KATNBL1: variants seen among roughly 807,000 people sequenced by gnomAD.
The protein encoded by KATNBL1 is katanin regulatory subunit B1 like 1.
A neutral mutation model predicts 44.7 loss-of-function variants in KATNBL1; 28 were observed. The ratio of observed to expected loss-of-function variants is 0.63; its 90% CI spans 0.46 to 0.86. The LOEUF (loss-of-function observed/expected upper bound fraction) is 0.86, where lower values mean the gene tolerates loss of function less well. Among genes scored for constraint, KATNBL1 ranks in the 40% least tolerant of loss-of-function variants. KATNBL1 has a pLI of 0.00. For missense variants in KATNBL1, 272 were observed against 350.7 expected (o/e 0.78, Z 1.79); for synonymous variants, 78 against 114.9 (o/e 0.68, Z 2.06).
At position 34,148,620 on chromosome 15, in the gene KATNBL1, G is replaced by A; in HGVS notation, c.557+12C>T. The A allele has an allele frequency of 1.4e-6, 2 of 1,390,696 alleles. No homozygotes were observed. The highest frequency in any genetic ancestry group is 1.4e-5 in the African/African-American group (1 of 70,432). The allele number at this position is 1,390,696 out of a possible 1,614,324, so 86.1% of individuals were successfully genotyped here. A position where few individuals can be genotyped will look rare whatever the true frequency, so the allele number is the denominator to read the frequency against. ...AAGTGATTGAACAAAGAGGATAAAA[G>A]GTCACACTTACCTCAACAAATAAGC... is the stretch of plus-strand genomic sequence containing the variant. On this transcript the variant is annotated intron_variant, in intron 5 of 9. Coordinates refer to ENST00000256544, the MANE Select transcript of KATNBL1 (RefSeq NM_024713.3).
At chr15:34,184,439 TTGCGCCACTGCAC>T (rs1466028074) in intron 1 of KATNBL1, among the ~76,000 whole-genome samples, 1 of 150,692 alleles carries the variant, frequency 6.6e-6, no homozygotes, top group Non-Finnish European at 1.5e-5. Flanking sequence ...TGAACCGAGA[TTGCGCCACTGCAC>T]TTCAGCCTGG....
At chr15:34,176,057 T>C (rs1385631471) in intron 1 of KATNBL1, among the ~76,000 whole-genome samples, 1 of 152,126 alleles carries the variant, frequency 6.6e-6, no homozygotes, top group East Asian at 1.9e-4. Flanking sequence ...GGTGTATCTG[T>C]ATGGAATTTT....
At chr15:34,142,639 C>T in intron 9 of KATNBL1, 1 of 359,478 alleles carries the variant, frequency 2.8e-6, no homozygotes, top group Non-Finnish European at 5.1e-6. Flanking sequence ...CTAACATTCA[C>T]AGAAATTCTA....
At chr15:34,155,838 C>G (rs1230109098) in intron 2 of KATNBL1, among the ~76,000 whole-genome samples, 1 of 152,156 alleles carries the variant, frequency 6.6e-6, no homozygotes, top group Non-Finnish European at 1.5e-5. Flanking sequence ...TTGTCACCCA[C>G]CAAAATATTG....
chr15:34,180,654 C>A (rs1405357758), intron 1 of KATNBL1, among the ~76,000 whole-genome samples: 2 of 152,206 alleles, frequency 1.3e-5, no homozygotes, highest in African/African-American at 4.8e-5. Flanking sequence ...AACCAACTTG[C>A]TGCCCTTCCT....
At chr15:34,159,125 T>G (rs1888722083) in intron 2 of KATNBL1, among the ~76,000 whole-genome samples, 2 of 144,812 alleles carry the variant, frequency 1.4e-5, no homozygotes, top group Admixed American at 1.5e-4. Flanking sequence ...GTACTGACAA[T>G]GAAGTTCCTT....
rs1889552525 is a variant in KATNBL1 at position 34,181,727 on chromosome 15, C to CATATGTATGTCCAT, written c.-14-18038_-14-18037insATGGACATACATAT. 1.1e-4 allele frequency among the ~76,000 whole-genome samples: 9 copies of CATATGTATGTCCAT among 81,416 alleles called. 1 individual carries two copies. The highest frequency in any genetic ancestry group is 1.8e-4 in the Non-Finnish European group (7 of 38,074). 53.4% of individuals were successfully genotyped at this position (81,416 alleles called of 152,430 possible). A position where few individuals can be genotyped will look rare whatever the true frequency, so the allele number is the denominator to read the frequency against. ...CCATATATATGGACATATATATGTC[C>CATATGTATGTCCAT]ATATATACACATATATATGTCCATA... is the stretch of plus-strand genomic sequence containing the variant. On this transcript the variant is annotated intron_variant, in intron 1 of 9. Transcript: ENST00000256544.
chr15:34,209,589 C>T (rs1210717742), intron 1 of KATNBL1: 1 of 152,214 alleles, frequency 6.6e-6, no homozygotes, highest in Non-Finnish European at 1.5e-5. Flanking sequence ...TGCGGAAAAC[C>T]TGTCCTCAAA....
chr15:34,196,514 G>A (rs1890033799), intron 1 of KATNBL1, among the ~76,000 whole-genome samples: 1 of 152,096 alleles, frequency 6.6e-6, no homozygotes, highest in Non-Finnish European at 1.5e-5. Flanking sequence ...GATCACTTGA[G>A]GTCAGGAGTT....
At chr15:34,165,013 A>G (rs2140933860) in intron 1 of KATNBL1, among the ~76,000 whole-genome samples, 1 of 152,374 alleles carries the variant, frequency 6.6e-6, no homozygotes, top group Non-Finnish European at 1.5e-5. Context: ...GATTTCTTAC[A>G]GCTAATTAAT....
intron 2 of KATNBL1, among the ~76,000 whole-genome samples, chr15:34,160,925 AC>A (rs1473515680): frequency 2.6e-5 from 4 of 151,112 alleles, no homozygotes; most frequent in Non-Finnish European, 4.4e-5. Flanking sequence ...GAGGCTCAAC[AC>A]CCCCCTGCTG....
intron 2 of KATNBL1, among the ~76,000 whole-genome samples, chr15:34,162,355 C>T (rs1430553537): frequency 1.3e-5 from 2 of 152,142 alleles, no homozygotes; most frequent in East Asian, 3.9e-4. Flanking sequence ...CTCATTCTCT[C>T]GTCTGCTGCC....
At chr15:34,184,319 T>C (rs1409118915) in intron 1 of KATNBL1, among the ~76,000 whole-genome samples, 2 of 96,948 alleles carry the variant, frequency 2.1e-5, no homozygotes, top group Middle Eastern at 6.9e-3. Context: ...AAAAAAAAAT[T>C]AGCTGGGCGT....
At chr15:34,198,186 G>A (rs1031526304) in intron 1 of KATNBL1, 1 of 152,164 alleles carries the variant, frequency 6.6e-6, no homozygotes, top group African/African-American at 2.4e-5. Context: ...ATGAAATTCA[G>A]TGACCTAAAC....
At chr15:34,149,912 A>G (rs1168386028) in intron 4 of KATNBL1, among the ~76,000 whole-genome samples, 1 of 152,240 alleles carries the variant, frequency 6.6e-6, no homozygotes, top group Non-Finnish European at 1.5e-5. Context: ...CATATTCTCT[A>G]GTCTTTACAT....
At chr15:34,191,953 CAA>C (rs572381001) in intron 1 of KATNBL1, among the ~76,000 whole-genome samples, 16,514 of 90,332 alleles carry the variant, frequency 0.18, 796 homozygotes, top group Non-Finnish European at 0.21. Context: ...GACTCCATCT[CAA>C]AAAAAAAAAA....
At chr15:34,165,239 A>G (rs1248524193) in intron 1 of KATNBL1, among the ~76,000 whole-genome samples, 1 of 152,194 alleles carries the variant, frequency 6.6e-6, no homozygotes, top group East Asian at 1.9e-4. Flanking sequence ...GCTGGAGCTT[A>G]CATTGGGGGC....
At chr15:34,188,162 A>AAAAAAAAAAAAAAAAAG (rs1567534700) in intron 1 of KATNBL1, among the ~76,000 whole-genome samples, 2 of 148,816 alleles carry the variant, frequency 1.3e-5, no homozygotes, top group African/African-American at 2.5e-5. Context: ...AAAAAAAAAA[A>AAAAAAAAAAAAAAAAAG]AAAGAAAATT....
At chr15:34,176,140 G>A (rs1161270674) in intron 1 of KATNBL1, among the ~76,000 whole-genome samples, 6 of 151,952 alleles carry the variant, frequency 3.9e-5, no homozygotes, top group African/African-American at 4.8e-5. Flanking sequence ...TTTGGGAGGC[G>A]GAGGTGGGCA....
Sources: gnomAD v4.1 joint callset for allele counts (sites outside exome capture counted in the v4.1 genomes callset) on GRCh38, gnomAD v4.1.1 for gene constraint, MANE v1.5 for transcripts, NCBI Gene and HGNC (gene_info 2026-07-23, HGNC 2026-07-21) for gene names.